CHD6: variants seen among roughly 807,000 people sequenced by gnomAD.
The protein encoded by CHD6 is ATP-dependent chromatin remodeler CHD6.
A neutral mutation model predicts 276.9 loss-of-function variants in CHD6; 50 were observed. The ratio of observed to expected loss-of-function variants is 0.18; its 90% CI spans 0.14 to 0.23. The LOEUF is 0.23. Ranked by LOEUF, CHD6 falls within the 10% of genes least tolerant of loss-of-function variation. The pLI is 1.00. For missense variants in CHD6, 2,564 were observed against 3,365.8 expected (o/e 0.76, Z 5.89); for synonymous variants, 1,173 against 1,229.3 (o/e 0.95, Z 0.96).
At chr20:41,504,936 T>C (rs1207168628) in intron 5 of CHD6, among the ~76,000 whole-genome samples, 2 of 152,196 alleles carry the variant, frequency 1.3e-5, no homozygotes, top group African/African-American at 4.8e-5. Context: ...CTACAAGTAT[T>C]TCCCATTTTC....
chr20:41,433,614 A>T (rs748243172), intron 27 of CHD6, among the ~76,000 whole-genome samples: 6 of 152,154 alleles, frequency 3.9e-5, no homozygotes, highest in Non-Finnish European at 8.8e-5. Context: ...AGCTAAAGAG[A>T]TTTCTCTAAA....
In CHD6 at chr20:41,563,915, AAC is replaced by A. The variant is rs199741647; in HGVS notation, c.-23-12557_-23-12556del. The A allele has an allele frequency of 9.2e-3, 5,664 of 617,370 alleles. 47 individuals are homozygous for A. The highest frequency in any genetic ancestry group is 0.014 in the Non-Finnish European group (4,733 of 341,062). 38.2% of individuals were successfully genotyped at this position (617,370 alleles called of 1,614,324 possible). On this transcript the variant is annotated intron_variant, in intron 1 of 36. Transcript: ENST00000373233. ...GGGGAAGACAAAGGGTTTTACAAAC[AAC>A]ACTCTATATATTCAGTTTCAAGAGG...
chr20:41,459,076 T>C (rs1167705078), intron 17 of CHD6, among the ~76,000 whole-genome samples: 2 of 152,044 alleles, frequency 1.3e-5, no homozygotes, highest in Non-Finnish European at 2.9e-5. Flanking sequence ...GATTTGAAGT[T>C]ACTGGGCCCA....
chr20:41,542,376 C>A (rs1190999706), intron 2 of CHD6, among the ~76,000 whole-genome samples: 1 of 152,188 alleles, frequency 6.6e-6, no homozygotes, highest in Non-Finnish European at 1.5e-5. Flanking sequence ...CATAATAAAC[C>A]AGGACCCCGG....
intron 34 of CHD6, chr20:41,413,951 A>G (rs1483263152): frequency 6.5e-6 from 1 of 153,680 alleles, no homozygotes; most frequent in Non-Finnish European, 1.4e-5. Context: ...CTGTTTTACT[A>G]ATGCCTATAA....
At chr20:41,497,968 G>T (rs1435580699) in intron 7 of CHD6, 200 bp downstream of exon 7, 2 of 553,428 alleles carry the variant, frequency 3.6e-6, no homozygotes, top group Non-Finnish European at 6.5e-6. Flanking sequence ...GGCTTTAGAG[G>T]TTTAAAAAAG....
rs551747688 is a variant in CHD6, at chr20:41,463,129, G to A, written c.2665-5701C>T. Among the ~76,000 whole-genome samples, 68 of 152,180 alleles carry A rather than the reference G, an allele frequency of 4.5e-4. 1 individual carries two copies. The highest frequency in any genetic ancestry group is 1.3e-3 in the African/African-American group (56 of 41,528). ...TCTAGAACTATATGAACAGAACATC[G>A]AAATAAATATAGTAACAGATTATAA... On this transcript the variant is annotated intron_variant, in intron 17 of 36. Transcript: ENST00000373233.
At chr20:41,523,258 C>A (rs745869894) in intron 3 of CHD6, among the ~76,000 whole-genome samples, 2 of 152,078 alleles carry the variant, frequency 1.3e-5, no homozygotes, top group Non-Finnish European at 2.9e-5. Context: ...AATACAAAGG[C>A]CTAATACTCC....
chr20:41,550,888 G>C (rs1400554983), intron 2 of CHD6, among the ~76,000 whole-genome samples: 1 of 152,034 alleles, frequency 6.6e-6, no homozygotes, highest in Non-Finnish European at 1.5e-5. Context: ...TCTCTCTAGG[G>C]GGAACCCATC....
At chr20:41,443,959 A>C (rs1466658038) in intron 25 of CHD6, among the ~76,000 whole-genome samples, 1 of 152,194 alleles carries the variant, frequency 6.6e-6, no homozygotes, top group African/African-American at 2.4e-5. Context: ...AAGAAGTAGC[A>C]GCATGTAAAT....
chr20:41,580,616 T>C (rs1413880562), intron 1 of CHD6, among the ~76,000 whole-genome samples: 2 of 129,074 alleles, frequency 1.5e-5, no homozygotes, highest in African/African-American at 6.4e-5. Context: ...GACGTGATTA[T>C]GCCTGGGTGA....
intron 12 of CHD6, among the ~76,000 whole-genome samples, chr20:41,489,098 T>C (rs1277281345): frequency 6.6e-6 from 1 of 152,216 alleles, no homozygotes; most frequent in Non-Finnish European, 1.5e-5. Context: ...GCTTTGTTTT[T>C]CAGACTGTCT....
intron 8 of CHD6, among the ~76,000 whole-genome samples, chr20:41,495,985 C>T (rs2145885217): frequency 6.6e-6 from 1 of 152,322 alleles, no homozygotes; most frequent in African/African-American, 2.4e-5. Context: ...CGCTCTCCAC[C>T]TATGCCCCAT....
At chr20:41,604,378 G>C (rs2045805703) in intron 1 of CHD6, among the ~76,000 whole-genome samples, 1 of 152,168 alleles carries the variant, frequency 6.6e-6, no homozygotes, top group Admixed American at 6.5e-5. Context: ...AATAGTTAAA[G>C]ATTAGAGGAG....
At chr20:41,434,961 C>T (rs117787478) in intron 27 of CHD6, among the ~76,000 whole-genome samples, 399 of 152,052 alleles carry the variant, frequency 2.6e-3, no homozygotes, top group Non-Finnish European at 4.5e-3. Flanking sequence ...CAAGATATAC[C>T]ATACACTGGG....
Position 41,404,969 on chromosome 20 carries a change from C to T in CHD6, c.7772G>A (p.Gly2591Asp). 6.2e-7 allele frequency: 1 copy of T among 1,614,230 alleles called. No homozygotes were observed. Among genetic ancestry groups the T allele is most frequent in the East Asian group, 2.2e-5 (1 of 44,890 alleles). ...AGGTTCAGACTGATCAGAAAATGGA[C>T]CTGGACCAGGCTTGTCCTCAGCTAA... is the stretch of plus-strand genomic sequence containing the variant. ...DTLAEDKPGP[G>D]PFSDQSEPAI... The change falls in exon 37 of 37, where the codon GGT becomes GAT. Residue 2591 changes from glycine to aspartate, a missense_variant. By Grantham distance (94) the Gly-to-Asp change is moderately conservative. This residue lies in a region of CHD6 where 238 missense variants were observed against 266.0 expected (regional missense o/e 0.89). Transcript: ENST00000373233.
chr20:41,487,399 A>C (rs1012029360), intron 14 of CHD6, among the ~76,000 whole-genome samples: 3 of 152,212 alleles, frequency 2.0e-5, no homozygotes, highest in African/African-American at 7.2e-5. Context: ...AAATTAGTGA[A>C]GCAAGGAGGC....
chr20:41,449,180 G>A (rs1001418900), intron 23 of CHD6, among the ~76,000 whole-genome samples: 2 of 152,172 alleles, frequency 1.3e-5, no homozygotes, highest in Non-Finnish European at 2.9e-5. Flanking sequence ...TGGGATTATA[G>A]GCGTGAACCA....
In CHD6 at chr20:41,404,976, C is replaced by T. The variant is rs2046627807; in HGVS notation, c.7765G>A (p.Gly2589Ser). 6.2e-7 allele frequency: 1 copy of T among 1,614,190 alleles called. No homozygotes were observed. Among genetic ancestry groups the T allele is most frequent in the Non-Finnish European group, 8.5e-7 (1 of 1,180,038 alleles). ...GACTGATCAGAAAATGGACCTGGACCAGGCTTGTCCTCAGCTAAAGTGTCT... is the reference window on the plus strand; with the variant it reads ...GACTGATCAGAAAATGGACCTGGACTAGGCTTGTCCTCAGCTAAAGTGTCT... ...KTDTLAEDKP[G>S]PGPFSDQSEP... Residue 2589 changes from glycine to serine, a missense_variant, in exon 37 of 37, where the codon GGT (glycine) becomes AGT (serine). By Grantham distance (56) the Gly-to-Ser change is moderately conservative (BLOSUM62 0). This residue lies in a region of CHD6 where 238 missense variants were observed against 266.0 expected (regional missense o/e 0.89). Transcript: ENST00000373233.
Sources: allele counts gnomAD v4.1 joint callset (sites outside exome capture counted in the v4.1 genomes callset), GRCh38; gene constraint gnomAD v4.1.1; regional missense constraint gnomAD v4.1.1; transcripts MANE v1.5; gene names NCBI Gene and HGNC (gene_info 2026-07-23, HGNC 2026-07-21).